Variants in PAX5 observed in about 807,000 individuals in gnomAD.
The protein encoded by PAX5 is paired box 5.
PAX5 carries 9 observed loss-of-function variants against 43.7 expected under a neutral mutation model. The observed-to-expected ratio is 0.21, with a 90% CI of 0.12 to 0.36. The LOEUF (loss-of-function observed/expected upper bound fraction) is 0.36. PAX5 is among the 10% of genes least tolerant of loss of function. The pLI is 1.00. For missense variants in PAX5, 383 were observed against 532.7 expected (o/e 0.72, Z 2.77); for synonymous variants, 228 against 214.3 (o/e 1.06, Z -0.56).
rs1821644026 is a variant in PAX5, at chr9:36,836,415, G to A, written c.*4145C>T. 4.3e-6 allele frequency: 1 copy of A among 233,294 alleles called. No individual in the cohort carries two copies. The highest frequency in any genetic ancestry group is 8.5e-6 in the Non-Finnish European group (1 of 118,114). 14.5% of individuals were successfully genotyped at this position (233,294 alleles called of 1,614,324 possible). A position where few individuals can be genotyped will look rare whatever the true frequency, so the allele number is the denominator to read the frequency against. ...CCAAATCTGCAACAAAGGACAGGAG[G>A]TGAATGAGAAAGGGGGCAATTGACA... On this transcript the variant is annotated 3_prime_UTR_variant, in exon 10 of 10. Coordinates refer to ENST00000358127, the MANE Select transcript of PAX5 (RefSeq NM_016734.3).
rs1837110294 is a variant in PAX5 at position 36,993,585 on chromosome 9, G to A, written c.604+9063C>T. Among the ~76,000 whole-genome samples the A allele has an allele frequency of 2.6e-5, 4 of 152,196 alleles. No individual in the cohort carries two copies. The South Asian group carries it at 8.3e-4, about 32-fold the overall frequency. On this transcript the variant is annotated intron_variant, in intron 5 of 9. Transcript: ENST00000358127. ...GAAGAAGGGACACAGCAGGGGCAGGGGTTTGAAGCCTTGTAAATTCTCTGA... is the reference window on the plus strand; with the variant it reads ...GAAGAAGGGACACAGCAGGGGCAGGAGTTTGAAGCCTTGTAAATTCTCTGA...
intron 7 of PAX5, among the ~76,000 whole-genome samples, chr9:36,915,648 G>A (rs1017803150): frequency 6.6e-6 from 1 of 150,692 alleles, no homozygotes; most frequent in African/African-American, 2.4e-5. Context: ...TTTTCATTTT[G>A]TTCTTTGTCT....
At chr9:36,912,310 A>G (rs534491115) in intron 7 of PAX5, among the ~76,000 whole-genome samples, 80 of 152,372 alleles carry the variant, frequency 5.3e-4, no homozygotes, top group Non-Finnish European at 9.1e-4. Context: ...AGGTCCGCTC[A>G]TATAATCCTT....
At chr9:37,013,429 C>G (rs909684395) in intron 3 of PAX5, among the ~76,000 whole-genome samples, 16 of 152,154 alleles carry the variant, frequency 1.1e-4, no homozygotes, top group African/African-American at 3.9e-4. Context: ...TATGTGTACT[C>G]TACGTTGGGA....
chr9:37,031,749 G>C (rs1028639855), intron 1 of PAX5, among the ~76,000 whole-genome samples: 3 of 152,138 alleles, frequency 2.0e-5, no homozygotes, highest in African/African-American at 7.2e-5. Context: ...TCCTTAAGTG[G>C]CTCCCTGCTT....
At chr9:36,867,565 T>C (rs1187908178) in intron 8 of PAX5, among the ~76,000 whole-genome samples, 1 of 152,176 alleles carries the variant, frequency 6.6e-6, no homozygotes, top group Non-Finnish European at 1.5e-5. Context: ...AGCAGCATTG[T>C]GAACAAGACC....
At chr9:37,032,145 C>T (rs990864023) in intron 1 of PAX5, among the ~76,000 whole-genome samples, 1 of 152,190 alleles carries the variant, frequency 6.6e-6, no homozygotes, top group Admixed American at 6.5e-5. Context: ...CAGCCTAGGG[C>T]TCCCGTATCT....
chr9:36,986,784 G>A (rs1390935349), intron 5 of PAX5, among the ~76,000 whole-genome samples: 1 of 152,156 alleles, frequency 6.6e-6, no homozygotes, highest in East Asian at 1.9e-4. Context: ...TTCTCACGGT[G>A]GCACCGCGGA....
intron 7 of PAX5, among the ~76,000 whole-genome samples, chr9:36,895,688 A>G (rs1222733790): frequency 6.6e-6 from 1 of 152,190 alleles, no homozygotes; most frequent in East Asian, 1.9e-4. Context: ...AGAGGAGGCA[A>G]TGGAGGCTGA....
intron 6 of PAX5, among the ~76,000 whole-genome samples, chr9:36,966,144 A>G (rs1834409566): frequency 6.6e-6 from 1 of 152,220 alleles, no homozygotes. Context: ...TCCATTGTTC[A>G]CGGCCGGTGA....
At chr9:36,919,123 A>G (rs1451024690) in intron 7 of PAX5, among the ~76,000 whole-genome samples, 1 of 152,200 alleles carries the variant, frequency 6.6e-6, no homozygotes, top group Non-Finnish European at 1.5e-5. Flanking sequence ...AAAATTCTTG[A>G]GTCCTTGAGA....
chr9:36,943,546 A>G (rs1228955982), intron 6 of PAX5, among the ~76,000 whole-genome samples: 2 of 151,970 alleles, frequency 1.3e-5, no homozygotes, highest in African/African-American at 4.8e-5. Context: ...ACACACACAC[A>G]CACACACACA....
At position 36,898,274 on chromosome 9, in the gene PAX5, C is replaced by T. The variant is rs568408055; in HGVS notation, c.911-16169G>A. ...GTGCTTGCCAGCCCAGCCCAGCCAA[C>T]TGCATATTATTTATGCGGCCTCAGG... On this transcript the variant is annotated intron_variant, in intron 7 of 9. Transcript: ENST00000358127. Among the ~76,000 whole-genome samples, 36 of 152,348 alleles carry T rather than the reference C, an allele frequency of 2.4e-4. No homozygotes were observed. In the South Asian group the frequency reaches 7.0e-3, roughly 30 times the overall value.
At chr9:36,932,501 T>C (rs1260053887) in intron 6 of PAX5, among the ~76,000 whole-genome samples, 3 of 152,222 alleles carry the variant, frequency 2.0e-5, no homozygotes, top group East Asian at 3.9e-4. Context: ...GGATAGCCCA[T>C]AGAGATGCTA....
At chr9:36,920,209 CTTAG>C (rs1286690535) in intron 7 of PAX5, among the ~76,000 whole-genome samples, 1 of 152,150 alleles carries the variant, frequency 6.6e-6, no homozygotes, top group East Asian at 1.9e-4. Flanking sequence ...ATTCCATAAA[CTTAG>C]TTGGTAGGGT....
intron 4 of PAX5, among the ~76,000 whole-genome samples, chr9:37,003,303 C>A (rs1838102469): frequency 6.6e-6 from 1 of 152,072 alleles, no homozygotes; most frequent in Non-Finnish European, 1.5e-5. Context: ...CCGCAGAGTG[C>A]CCCTTCTTTT....
rs142577620 is a variant in PAX5, at chr9:36,934,961, C to T, written c.781-11477G>A. 2.2e-4 allele frequency among the ~76,000 whole-genome samples: 33 copies of T among 152,274 alleles called. No individual in the cohort carries two copies. In the East Asian group the frequency reaches 6.4e-3, roughly 29 times the overall value. On this transcript the variant is annotated intron_variant, in intron 6 of 9. Transcript: ENST00000358127. ...CTTCCAACGGTGCCAGAGGTGCTTC[C>T]CAGGGTCACTGAGAGGATAAGTGAT...
At position 36,923,439 on chromosome 9, in the gene PAX5, C is replaced by A; in HGVS notation, c.826G>T (p.Asp276Tyr). The stretch of plus-strand genomic sequence containing the variant: ...GGGCTGGCCAGATTGGCCTTCATGT[C>A]GTCCAGCCCACCAGCCAGCGAGGCC... ...AMASLAGGLD[D>Y]MKANLASPTP... The change falls in exon 7 of 10, where the codon GAC becomes TAC. Residue 276 changes from aspartate to tyrosine, a missense_variant. Asp to Tyr is a radical substitution (Grantham distance 160). This residue lies in a region of PAX5 where 291 missense variants were observed against 342.5 expected (regional missense o/e 0.85). Transcript: ENST00000358127. The A allele has an allele frequency of 6.2e-7, 1 of 1,612,674 alleles. No individual in the cohort carries two copies. The highest frequency in any genetic ancestry group is 8.5e-7 in the Non-Finnish European group (1 of 1,180,004).
chr9:36,917,508 A>G (rs1306557052), intron 7 of PAX5, among the ~76,000 whole-genome samples: 3 of 152,220 alleles, frequency 2.0e-5, no homozygotes, highest in Non-Finnish European at 4.4e-5. Context: ...TATTGACTCA[A>G]ATTTGTAAAA....
Sources: gnomAD v4.1 joint callset for allele counts (sites outside exome capture counted in the v4.1 genomes callset) on GRCh38, gnomAD v4.1.1 for gene constraint, gnomAD v4.1.1 regional missense constraint, MANE v1.5 for transcripts, NCBI Gene and HGNC (gene_info 2026-07-23, HGNC 2026-07-21) for gene names.